PKHD1: variants seen among roughly 807,000 people sequenced by gnomAD.
PKHD1 encodes fibrocystin.
PKHD1 carries 291 observed loss-of-function variants against 412.0 expected under a neutral mutation model. That is an observed-to-expected ratio of 0.71 (90% CI 0.64 to 0.78). The LOEUF is 0.78. Among genes scored for constraint, PKHD1 ranks in the 30% least tolerant of loss-of-function variants. The probability of loss-of-function intolerance (pLI) is 0.00; values close to 1 mark genes in which losing one functional copy is unlikely to be tolerated. For synonymous variants in PKHD1, 1,777 were observed against 1,821.5 expected, an observed-to-expected ratio of 0.98 and a Z score of 0.62; for missense variants, 4,825 against 4,950.7, an observed-to-expected ratio of 0.97 and a Z score of 0.76.
chr6:52,010,520 T>C, intron 34 of PKHD1, 61 bp from the exon 35 acceptor site: 3 of 1,348,280 alleles, frequency 2.2e-6, no homozygotes, highest in Non-Finnish European at 3.2e-6. Flanking sequence ...CAATTATTTT[T>C]ACTCTTATTA....
At chr6:51,636,628 G>T (rs1768612056) in intron 64 of PKHD1, among the ~76,000 whole-genome samples, 1 of 151,974 alleles carries the variant, frequency 6.6e-6, no homozygotes, top group Non-Finnish European at 1.5e-5. Context: ...ATAAAACAAT[G>T]CTTATCAGAC....
chr6:51,950,756 C>A (rs142990505), intron 36 of PKHD1, among the ~76,000 whole-genome samples: 247 of 152,250 alleles, frequency 1.6e-3, no homozygotes, highest in African/African-American at 5.8e-3. Context: ...TGAGAAAATA[C>A]AAGCCTGGAA....
intron 60 of PKHD1, among the ~76,000 whole-genome samples, chr6:51,684,066 C>A (rs1777089730): frequency 6.6e-6 from 1 of 152,086 alleles, no homozygotes; most frequent in Non-Finnish European, 1.5e-5. Flanking sequence ...GAGTATGTAC[C>A]ATGTTCCAGC....
chr6:51,950,819 C>T (rs1790261596), intron 36 of PKHD1, among the ~76,000 whole-genome samples: 1 of 152,128 alleles, frequency 6.6e-6, no homozygotes, highest in African/African-American at 2.4e-5. Context: ...TAGTTTCCAG[C>T]TCCTCTGCTA....
At chr6:51,968,644 C>T (rs1235435841) in intron 35 of PKHD1, among the ~76,000 whole-genome samples, 1 of 152,164 alleles carries the variant, frequency 6.6e-6, no homozygotes, top group Non-Finnish European at 1.5e-5. Flanking sequence ...TTAGGGGCCA[C>T]CCCAGACTTG....
chr6:52,018,391 T>C (rs1025994919), intron 33 of PKHD1, among the ~76,000 whole-genome samples: 10 of 152,226 alleles, frequency 6.6e-5, no homozygotes, highest in Non-Finnish European at 1.5e-4. Context: ...TAAGTTCCCA[T>C]TACTCCATAT....
intron 28 of PKHD1, 60 bp from the exon 29 acceptor site, chr6:52,033,225 G>A (rs2128163848): frequency 2.3e-6 from 3 of 1,327,932 alleles, no homozygotes; most frequent in Non-Finnish European, 3.2e-6. Context: ...ACTGACTTAA[G>A]GGAAGAGAAC....
At chr6:51,949,889 C>G (rs1013587667) in intron 36 of PKHD1, among the ~76,000 whole-genome samples, 1 of 152,114 alleles carries the variant, frequency 6.6e-6, no homozygotes, top group Non-Finnish European at 1.5e-5. Flanking sequence ...GAGGCTGCTG[C>G]TGCTGCTGTT....
chr6:51,847,630 A>G, intron 50 of PKHD1, 145 bp downstream of exon 50: 1 of 714,756 alleles, frequency 1.4e-6, no homozygotes, highest in South Asian at 1.5e-5. Flanking sequence ...AGGCAATCAG[A>G]CTTCAGGGAA....
chr6:51,885,753 A>G, intron 45 of PKHD1, 114 bp downstream of exon 45: 1 of 755,878 alleles, frequency 1.3e-6, no homozygotes, highest in Non-Finnish European at 2.4e-6. Context: ...TGCTCCCCTC[A>G]AGGGCAAGTC....
At chr6:52,079,139 A>G (rs192493444) in intron 5 of PKHD1, among the ~76,000 whole-genome samples, 7 of 152,356 alleles carry the variant, frequency 4.6e-5, no homozygotes. Context: ...TCTGCCTTTC[A>G]TAAACCATCT....
At position 51,659,268 on chromosome 6, in the gene PKHD1, G is replaced by T; in HGVS notation, c.10858C>A (p.Arg3620Ser). Residue 3620 changes from arginine to serine, a missense_variant, in exon 61 of 67, where the codon CGC becomes AGC. Arg to Ser is a moderately radical substitution (Grantham distance 110, BLOSUM62 -1). Coordinates refer to ENST00000371117, the MANE Select transcript of PKHD1 (RefSeq NM_138694.4). The stretch of plus-strand genomic sequence containing the variant: ...GTGCAAGTCACAGTAGGGCAATTGC[G>T]CTTTCTTTTTGCTCTACTGTCAGCA... The part of the protein sequence containing the change: ...AIADSRAKRK[R>S]NCPTVTCTSH... The T allele has an allele frequency of 1.2e-6, 2 of 1,613,742 alleles. No individual in the cohort carries two copies. Among genetic ancestry groups the T allele is most frequent in the Non-Finnish European group, 1.7e-6 (2 of 1,179,806 alleles).
intron 14 of PKHD1, among the ~76,000 whole-genome samples, 160 bp downstream of exon 14, chr6:52,062,359 G>A (rs1403591043): frequency 3.9e-5 from 6 of 152,222 alleles, no homozygotes; most frequent in Non-Finnish European, 8.8e-5. Flanking sequence ...GCACTAGCAT[G>A]ACCAACACTG....
intron 56 of PKHD1, among the ~76,000 whole-genome samples, chr6:51,753,842 TG>T (rs1786517745): frequency 6.6e-6 from 1 of 152,220 alleles, no homozygotes; most frequent in South Asian, 2.1e-4. Flanking sequence ...CGCCCTCTCA[TG>T]GTGGATCTTC....
intron 55 of PKHD1, among the ~76,000 whole-genome samples, chr6:51,769,366 TATG>T (rs1185935817): frequency 1.4e-4 from 21 of 151,426 alleles, no homozygotes; most frequent in Admixed American, 1.2e-3. Flanking sequence ...TCTAGCCAAT[TATG>T]ATAATTCTAA....
intron 60 of PKHD1, among the ~76,000 whole-genome samples, chr6:51,668,482 C>G (rs1394839186): frequency 6.6e-6 from 1 of 152,124 alleles, no homozygotes; most frequent in Admixed American, 6.5e-5. Context: ...ACAATCATGT[C>G]GTCTGCAAAC....
chr6:52,034,386 C>T (rs939539646), intron 28 of PKHD1, among the ~76,000 whole-genome samples: 3 of 151,868 alleles, frequency 2.0e-5, no homozygotes, highest in Non-Finnish European at 4.4e-5. Flanking sequence ...TTACTATTTT[C>T]CTTTTAACCT....
chr6:51,710,696 T>C (rs73442823), intron 60 of PKHD1, among the ~76,000 whole-genome samples: 8,144 of 152,224 alleles, frequency 0.054, 338 homozygotes, highest in East Asian at 0.17. Context: ...CAATACTCAA[T>C]ATAAAATTTG....
At chr6:52,021,224 T>G (rs1015230392) in intron 33 of PKHD1, among the ~76,000 whole-genome samples, 2 of 152,260 alleles carry the variant, frequency 1.3e-5, no homozygotes, top group Non-Finnish European at 2.9e-5. Context: ...TAAAAAATCA[T>G]GGAATGTTGA....
Sources: gnomAD v4.1 joint callset for allele counts (sites outside exome capture counted in the v4.1 genomes callset) on GRCh38, gnomAD v4.1.1 for gene constraint, MANE v1.5 for transcripts, NCBI Gene and HGNC (gene_info 2026-07-23, HGNC 2026-07-21) for gene names.